Variants in YAE1 observed in about 807,000 individuals in gnomAD.
YAE1 encodes protein YAE1 homolog.
Under a neutral mutation model 23.0 loss-of-function variants are expected in YAE1, and 22 were observed. That is an observed-to-expected ratio of 0.96 (90% CI 0.68 to 1.37). The LOEUF is 1.37. Ranked by LOEUF, YAE1 falls within the 40% of genes most tolerant of loss-of-function variation. The pLI, the probability that YAE1 is intolerant of heterozygous loss-of-function variation, is 0.00. For missense variants in YAE1, 260 were observed against 262.1 expected, an observed-to-expected ratio of 0.99 and a Z score of 0.06; for synonymous variants, 101 against 97.0, an observed-to-expected ratio of 1.04 and a Z score of -0.24.
At chr7:39,567,590 C>G (rs1300507352) in intron 1 of YAE1, among the ~76,000 whole-genome samples, 1 of 152,074 alleles carries the variant, frequency 6.6e-6, no homozygotes, top group Non-Finnish European at 1.5e-5. Flanking sequence ...GAAGACATTG[C>G]TAATGCTGGG....
chr7:39,571,279 T>C (rs1790560808), intron 2 of YAE1, among the ~76,000 whole-genome samples: 1 of 148,218 alleles, frequency 6.7e-6, no homozygotes, highest in Non-Finnish European at 1.5e-5. Flanking sequence ...CTTTTTTCTT[T>C]TTTTTTTTTT....
At chr7:39,586,508 C>CTT (rs376040687) in intron 2 of YAE1, among the ~76,000 whole-genome samples, 342 of 135,668 alleles carry the variant, frequency 2.5e-3, no homozygotes, top group Non-Finnish European at 3.9e-3. Context: ...TTCTTTCTTT[C>CTT]TTTTTTTTTT....
At chr7:39,599,231 T>A (rs1232674956) in intron 2 of YAE1, among the ~76,000 whole-genome samples, 1 of 151,142 alleles carries the variant, frequency 6.6e-6, no homozygotes, top group Non-Finnish European at 1.5e-5. Context: ...CAGAGAGACA[T>A]GGTCTCAAAA....
intron 2 of YAE1, among the ~76,000 whole-genome samples, chr7:39,583,131 T>C (rs1790768961): frequency 6.6e-6 from 1 of 152,200 alleles, no homozygotes. Context: ...TAAATTATTA[T>C]AACATCCACT....
downstream of YAE1, among the ~76,000 whole-genome samples, chr7:39,611,451 G>T (rs896877307): frequency 6.6e-6 from 1 of 152,244 alleles, no homozygotes; most frequent in African/African-American, 2.4e-5. Context: ...GCATAAGGTA[G>T]GTGAGTGCTG....
chr7:39,578,454 A>G (rs919276935), intron 2 of YAE1, among the ~76,000 whole-genome samples: 3 of 152,232 alleles, frequency 2.0e-5, no homozygotes, highest in Admixed American at 6.5e-5. Flanking sequence ...GCTGTTTGCA[A>G]TAAATCTTTC....
At chr7:39,600,255 A>G (rs544353196) in intron 2 of YAE1, among the ~76,000 whole-genome samples, 1 of 152,306 alleles carries the variant, frequency 6.6e-6, no homozygotes, top group South Asian at 2.1e-4. Flanking sequence ...CCCATGTTGA[A>G]GTTCTTGCCC....
chr7:39,608,455 T>C (rs868497805), intron 2 of YAE1, among the ~76,000 whole-genome samples: 44 of 152,132 alleles, frequency 2.9e-4, no homozygotes, highest in African/African-American at 9.6e-4. Flanking sequence ...GTTTAAGGGA[T>C]GATTTCCGGG....
chr7:39,600,116 T>C (rs1791035136), intron 2 of YAE1, among the ~76,000 whole-genome samples: 1 of 152,174 alleles, frequency 6.6e-6, no homozygotes, highest in Non-Finnish European at 1.5e-5. Context: ...TCCAATTTAT[T>C]ACTGTATTTC....
chr7:39,572,937 C>T (rs1459058091), downstream of YAE1: 1 of 1,070,724 alleles, frequency 9.3e-7, no homozygotes, highest in Non-Finnish European at 1.2e-6. Context: ...GAAATTTCTA[C>T]TGTCATTGAC....
chr7:39,588,056 T>C (rs1256747628), intron 2 of YAE1, among the ~76,000 whole-genome samples: 1 of 152,208 alleles, frequency 6.6e-6, no homozygotes, highest in African/African-American at 2.4e-5. Context: ...AACCCCTATA[T>C]AGTTGTCACT....
At chr7:39,607,206 T>C (rs1271846694) in intron 2 of YAE1, among the ~76,000 whole-genome samples, 2 of 152,260 alleles carry the variant, frequency 1.3e-5, no homozygotes, top group Non-Finnish European at 2.9e-5. Context: ...CTGTGGTCGA[T>C]AGAATAATGT....
intron 2 of YAE1, among the ~76,000 whole-genome samples, chr7:39,579,776 C>T (rs1264921948): frequency 1.3e-5 from 2 of 152,064 alleles, no homozygotes; most frequent in African/African-American, 4.8e-5. Flanking sequence ...GTGTCTATAG[C>T]TCACACCTAC....
intron 2 of YAE1, among the ~76,000 whole-genome samples, chr7:39,600,456 G>A (rs2115840931): frequency 6.6e-6 from 1 of 152,130 alleles, no homozygotes; most frequent in East Asian, 1.9e-4. Flanking sequence ...GGAGTGCAGT[G>A]GCACTATCTC....
At chr7:39,579,360 G>A (rs1238813535) in intron 2 of YAE1, among the ~76,000 whole-genome samples, 4 of 152,158 alleles carry the variant, frequency 2.6e-5, no homozygotes, top group Non-Finnish European at 5.9e-5. Flanking sequence ...CATGGTAGCA[G>A]TGACTGTGTT....
chr7:39,598,361 C>T (rs1791007674), intron 2 of YAE1, among the ~76,000 whole-genome samples: 1 of 150,856 alleles, frequency 6.6e-6, no homozygotes, highest in African/African-American at 2.4e-5. Context: ...CCACCTGCCT[C>T]GCCTTCCAGA....
At chr7:39,577,815 G>A (rs543979553), downstream of YAE1, among the ~76,000 whole-genome samples, 34 of 152,354 alleles carry the variant, frequency 2.2e-4, no homozygotes, top group African/African-American at 7.5e-4. Flanking sequence ...AGGCAGCTCC[G>A]CCTGCGGCCC....
At chr7:39,599,820 C>T (rs1162046899) in intron 2 of YAE1, among the ~76,000 whole-genome samples, 1 of 151,772 alleles carries the variant, frequency 6.6e-6, no homozygotes, top group Non-Finnish European at 1.5e-5. Context: ...GACTCCTGAC[C>T]TCAGGTGATC....
chr7:39,599,190 A>G (rs1032196972), intron 2 of YAE1, among the ~76,000 whole-genome samples: 1 of 152,142 alleles, frequency 6.6e-6, no homozygotes, highest in African/African-American at 2.4e-5. Flanking sequence ...CAGTGAGCCA[A>G]GATCATGCCA....
Sources: gnomAD v4.1 joint callset for allele counts (sites outside exome capture counted in the v4.1 genomes callset) on GRCh38, gnomAD v4.1.1 for gene constraint, MANE v1.5 for transcripts, NCBI Gene and HGNC (gene_info 2026-07-23, HGNC 2026-07-21) for gene names.